Variants in NCALD observed in about 807,000 individuals in gnomAD.
NCALD encodes neurocalcin-delta.
NCALD carries 10 observed loss-of-function variants against 18.6 expected under a neutral mutation model. The ratio of observed to expected loss-of-function variants is 0.54; its 90% CI spans 0.33 to 0.91. The LOEUF is 0.91. Ranked by LOEUF, NCALD falls within the 40% of genes least tolerant of loss-of-function variation. NCALD has a pLI of 0.03. For synonymous variants in NCALD, 88 were observed against 87.4 expected, an observed-to-expected ratio of 1.01 and a Z score of -0.04; for missense variants, 184 against 247.6, an observed-to-expected ratio of 0.74 and a Z score of 1.72.
chr8:101,925,308 T>C (rs1818298091), intron 2 of NCALD, among the ~76,000 whole-genome samples: 1 of 152,056 alleles, frequency 6.6e-6, no homozygotes, highest in East Asian at 1.9e-4. Flanking sequence ...ATCCATTCAT[T>C]GAACAAACAT....
intron 3 of NCALD, among the ~76,000 whole-genome samples, chr8:101,893,363 G>A (rs1215246446): frequency 6.6e-6 from 1 of 150,958 alleles, no homozygotes; most frequent in African/African-American, 2.5e-5. Context: ...CCTGAAGGAA[G>A]CGCTAAACAT....
At chr8:101,706,686 G>C (rs536578725) in intron 2 of NCALD, among the ~76,000 whole-genome samples, 11 of 152,308 alleles carry the variant, frequency 7.2e-5, no homozygotes, top group African/African-American at 2.6e-4. Context: ...TATAAGAAGA[G>C]GGAAAATTGG....
intron 4 of NCALD, among the ~76,000 whole-genome samples, chr8:101,844,471 C>A (rs535260044): frequency 2.0e-5 from 3 of 152,126 alleles, no homozygotes; most frequent in Non-Finnish European, 2.9e-5. Flanking sequence ...AATCCTTCTG[C>A]CTCATTTTCC....
intron 4 of NCALD, among the ~76,000 whole-genome samples, chr8:101,874,207 A>C (rs1000595510): frequency 2.6e-5 from 4 of 152,178 alleles, no homozygotes; most frequent in African/African-American, 9.7e-5. Flanking sequence ...GGCCCGTTTG[A>C]GGACTTTCAG....
chr8:101,907,870 G>GT (rs1286587884), intron 3 of NCALD, among the ~76,000 whole-genome samples: 1 of 152,184 alleles, frequency 6.6e-6, no homozygotes, highest in African/African-American at 2.4e-5. Flanking sequence ...AATGTGTAAA[G>GT]TTTCACAGTT....
At chr8:101,964,905 G>A (rs921739255) in intron 2 of NCALD, among the ~76,000 whole-genome samples, 29 of 152,260 alleles carry the variant, frequency 1.9e-4, no homozygotes, top group African/African-American at 1.9e-4. Context: ...TTCTTAAGGC[G>A]TGTGTTAGGA....
chr8:101,940,358 T>C (rs1818910597), intron 2 of NCALD, among the ~76,000 whole-genome samples: 2 of 152,210 alleles, frequency 1.3e-5, no homozygotes, highest in South Asian at 4.1e-4. Flanking sequence ...AGCGACACCC[T>C]TATGTGGACA....
intron 4 of NCALD, among the ~76,000 whole-genome samples, chr8:101,826,982 G>A (rs1001161596): frequency 1.3e-5 from 2 of 152,192 alleles, no homozygotes; most frequent in African/African-American, 4.8e-5. Context: ...TGTGGCTGCT[G>A]TAACAATATT....
intron 4 of NCALD, among the ~76,000 whole-genome samples, chr8:101,817,408 T>G (rs144206627): frequency 2.3e-3 from 348 of 152,330 alleles, no homozygotes; most frequent in Non-Finnish European, 4.0e-3. Flanking sequence ...CATTTTCTTG[T>G]CACCCACATT....
At chr8:101,691,173 A>T in intron 3 of NCALD, 2 of 985,404 alleles carry the variant, frequency 2.0e-6, no homozygotes, top group Non-Finnish European at 2.4e-6. Context: ...TGAAGCACCC[A>T]GTCTCCTGGT....
chr8:101,985,907 T>G (rs1263865498), intron 2 of NCALD, among the ~76,000 whole-genome samples: 2 of 152,190 alleles, frequency 1.3e-5, no homozygotes, highest in Admixed American at 1.3e-4. Flanking sequence ...AAAACTATCT[T>G]GCACACTCCC....
intron 1 of NCALD, among the ~76,000 whole-genome samples, chr8:101,734,384 A>G (rs923875307): frequency 3.3e-5 from 5 of 152,138 alleles, no homozygotes; most frequent in African/African-American, 7.2e-5. Flanking sequence ...ATTTACTACA[A>G]TTGGAATTAT....
intron 3 of NCALD, among the ~76,000 whole-genome samples, chr8:101,908,003 T>C (rs1363387904): frequency 6.6e-6 from 1 of 152,156 alleles, no homozygotes; most frequent in Non-Finnish European, 1.5e-5. Flanking sequence ...AAAACTCCTC[T>C]GGCAATTTTA....
chr8:102,101,071 T>C (rs1825263548), intron 1 of NCALD, among the ~76,000 whole-genome samples: 1 of 152,206 alleles, frequency 6.6e-6, no homozygotes, highest in Non-Finnish European at 1.5e-5. Flanking sequence ...TTGCATATTT[T>C]ATACCACGAC....
At chr8:102,083,769 G>A (rs1824638049) in intron 1 of NCALD, among the ~76,000 whole-genome samples, 1 of 152,142 alleles carries the variant, frequency 6.6e-6, no homozygotes, top group South Asian at 2.1e-4. Context: ...ACTTCCTGCT[G>A]TCAAAGAGTT....
intron 1 of NCALD, among the ~76,000 whole-genome samples, chr8:102,117,352 T>C (rs1825819804): frequency 6.6e-6 from 1 of 152,206 alleles, no homozygotes; most frequent in African/African-American, 2.4e-5. Flanking sequence ...GTCTAATCCC[T>C]TTCCCTCAGT....
chr8:101,945,379 A>G (rs2131779133), intron 2 of NCALD, among the ~76,000 whole-genome samples: 1 of 152,336 alleles, frequency 6.6e-6, no homozygotes, highest in South Asian at 2.1e-4. Context: ...TGCGGAATGG[A>G]GCAGAGAGTA....
chr8:101,898,533 CT>C (rs993087198), intron 3 of NCALD, among the ~76,000 whole-genome samples: 1 of 152,062 alleles, frequency 6.6e-6, no homozygotes, highest in Admixed American at 6.6e-5. Flanking sequence ...AATTTATTGA[CT>C]TTTTTTCTTT....
chr8:101,756,891 T>A (rs375567851), intron 1 of NCALD, among the ~76,000 whole-genome samples: 13 of 152,332 alleles, frequency 8.5e-5, no homozygotes, highest in East Asian at 5.8e-4. Context: ...TGGCAATGAA[T>A]AATGCCACAG....
Sources: allele counts gnomAD v4.1 joint callset (sites outside exome capture counted in the v4.1 genomes callset), GRCh38; gene constraint gnomAD v4.1.1; transcripts MANE v1.5; gene names NCBI Gene and HGNC (gene_info 2026-07-23, HGNC 2026-07-21).